The following FST variants were observed in gnomAD, a reference collection of about 807,000 sequenced individuals.
The protein encoded by FST is follistatin, also known as activin-binding protein.
In FST, 6 loss-of-function variants were observed where a neutral mutation model predicts 38.4. The ratio of observed to expected loss-of-function variants is 0.16; its 90% CI spans 0.09 to 0.31. FST has a LOEUF of 0.31. Ranked by LOEUF, FST falls within the 10% of genes least tolerant of loss-of-function variation. FST has a pLI of 1.00. For missense variants in FST, 301 were observed against 432.3 expected (o/e 0.70, Z 2.69); for synonymous variants, 157 against 169.8 (o/e 0.92, Z 0.59).
rs1747558222 is a variant in FST, at chr5:53,486,564, C to T, written c.*531C>T. ...TTCTGTCATGTTTATTTATTGGATT[C>T]TCTGCTGCCTGATCTGTACATACAT... On this transcript the variant is annotated 3_prime_UTR_variant, in exon 6 of 6. Transcript: ENST00000256759. 6.5e-6 allele frequency: 1 copy of T among 153,048 alleles called. No individual in the cohort carries two copies. Among genetic ancestry groups the T allele is most frequent in the South Asian group, 2.1e-4 (1 of 4,844 alleles). The allele number at this position is 153,048 out of a possible 1,614,324, so 9.5% of individuals were successfully genotyped here. A position where few individuals can be genotyped will look rare whatever the true frequency, so the allele number is the denominator to read the frequency against.
In FST at chr5:53,481,462, C is replaced by CAAAAAAAAAAAAA. The variant is rs70983342; in HGVS notation, c.85+598_85+610dup. On this transcript the variant is annotated intron_variant, in intron 1 of 5. Coordinates refer to ENST00000256759, the MANE Select transcript of FST (RefSeq NM_013409.3). ...CTTCCAACCCCATCCCCCATTCTCG[C>CAAAAAAAAAAAAA]AAAAAAAAAAAAAAAAAAAAAAAAG... 1.5e-3 allele frequency among the ~76,000 whole-genome samples: 71 copies of CAAAAAAAAAAAAA among 48,062 alleles called. 10 individuals carry two copies. The highest frequency in any genetic ancestry group is 0.019 in the Middle Eastern group (1 of 52). 31.5% of individuals were successfully genotyped at this position (48,062 alleles called of 152,430 possible).
chr5:53,485,796 T>C, intron 5 of FST, 155 bp from the exon 6 acceptor site: 7 of 1,594,594 alleles, frequency 4.4e-6, no homozygotes, highest in Non-Finnish European at 6.0e-6. Context: ...TAACAGCAGA[T>C]GCCAAAAACA....
At chr5:53,481,462 CAAA>C (rs70983342) in intron 1 of FST, among the ~76,000 whole-genome samples, 736 of 48,034 alleles carry the variant, frequency 0.015, 13 homozygotes, top group South Asian at 0.023. Flanking sequence ...CCCATTCTCG[CAAA>C]AAAAAAAAAA....
chr5:53,483,588 A>G lies in FST; in HGVS notation c.362A>G (p.Asp121Gly), dbSNP rs771709570. The G allele has an allele frequency of 3.1e-6, 5 of 1,614,104 alleles. No individual in the cohort carries two copies. The African/African-American group carries it at 6.7e-5, about 22-fold the overall frequency. The change falls in exon 3 of 6, where the codon GAT (aspartate) becomes GGT (glycine). Residue 121 changes from aspartate (D) to glycine (G), a missense_variant. Asp to Gly is a moderately conservative substitution (Grantham distance 94). Transcript: ENST00000256759. The surrounding 1 kb of genome is among the most constrained non-coding windows in gnomAD (Gnocchi z 4.1). ...AAACCCCGCTGCGTCTGCGCCCCGG[A>G]TTGTTCCAACATCACCTGGAAGGGT... ...KNKPRCVCAPDCSNITWKGPV... is the reference protein window; with the variant it reads ...KNKPRCVCAPGCSNITWKGPV...
Position 53,483,430 on chromosome 5 carries a change from C to G in FST, c.278-74C>G, listed in dbSNP as rs965801200. On this transcript the variant is annotated intron_variant, in intron 2 of 5. Transcript: ENST00000256759. The surrounding 1 kb of genome is among the most constrained non-coding windows in gnomAD (Gnocchi z 4.1). The stretch of plus-strand genomic sequence containing the variant: ...CTCAGGGCTGCATGATTGCGCAAGG[C>G]ACCCGAAGCCCTCCTGGCTGACCTG... The G allele has an allele frequency of 4.3e-6, 5 of 1,173,524 alleles. No homozygotes were observed. The South Asian group carries it at 6.7e-5, about 16-fold the overall frequency. The allele number at this position is 1,173,524 out of a possible 1,614,324, so 72.7% of individuals were successfully genotyped here.
intron 5 of FST, 166 bp from the exon 6 acceptor site, chr5:53,485,785 A>G: frequency 1.3e-6 from 2 of 1,595,936 alleles, no homozygotes; most frequent in Non-Finnish European, 1.7e-6. Flanking sequence ...AACTTATTGC[A>G]TAACAGCAGA....
chr5:53,480,918 A>AG (rs746819001), intron 1 of FST, 42 bp downstream of exon 1: 12 of 1,162,540 alleles, frequency 1.0e-5, no homozygotes, highest in South Asian at 1.4e-5. Flanking sequence ...GGCTGAGGAC[A>AG]GGGGGGTCGA....
chr5:53,484,763 T>C (rs897232264), intron 4 of FST, among the ~76,000 whole-genome samples: 6 of 152,216 alleles, frequency 3.9e-5, no homozygotes, highest in South Asian at 2.1e-4. Flanking sequence ...TAATGTAGTA[T>C]GTAAGAAACT....
At position 53,480,653 on chromosome 5, in the gene FST, G is replaced by GGCGGCGAGCGCGGGGCT. The variant is rs1747136774; in HGVS notation, c.-135_-119dup. 2 of 151,804 alleles carry GGCGGCGAGCGCGGGGCT rather than the reference G, an allele frequency of 1.3e-5. No individual in the cohort carries two copies. Among genetic ancestry groups the GGCGGCGAGCGCGGGGCT allele is most frequent in the Non-Finnish European group, 2.9e-5 (2 of 69,486 alleles). 9.4% of individuals were successfully genotyped at this position (151,804 alleles called of 1,614,324 possible). ...CGTCCATTGAATCGCGCGGGCGGCC[G>GGCGGCGAGCGCGGGGCT]GCGGCGAGCGCGGGGCTGCGCCGGG... On this transcript the variant is annotated 5_prime_UTR_variant, in exon 1 of 6. Transcript: ENST00000256759.
intron 1 of FST, among the ~76,000 whole-genome samples, chr5:53,482,155 C>T (rs995196455): frequency 1.3e-5 from 2 of 152,210 alleles, no homozygotes; most frequent in Non-Finnish European, 2.9e-5. Flanking sequence ...GGGGTAGCTC[C>T]GGGCTGGGCC....
rs1747550099 is a variant in FST, at chr5:53,486,340, T to C, written c.*307T>C. The C allele has an allele frequency of 1.1e-5, 2 of 190,136 alleles. No homozygotes were observed. The highest frequency in any genetic ancestry group is 2.3e-5 in the African/African-American group (1 of 43,038). 11.8% of individuals were successfully genotyped at this position (190,136 alleles called of 1,614,324 possible). A position where few individuals can be genotyped will look rare whatever the true frequency, so the allele number is the denominator to read the frequency against. On this transcript the variant is annotated 3_prime_UTR_variant, in exon 6 of 6. Coordinates refer to ENST00000256759, the MANE Select transcript of FST (RefSeq NM_013409.3). ...TTTATACATAAAATGTCTGGTTGAC[T>C]GTATACCTTGTTTTTGAAGAAATTT...
chr5:53,483,790 C>G lies in FST; in HGVS notation c.496+68C>G. On this transcript the variant is annotated intron_variant, in intron 3 of 5. Coordinates refer to ENST00000256759, the MANE Select transcript of FST (RefSeq NM_013409.3). The surrounding 1 kb of genome is among the most constrained non-coding windows in gnomAD (Gnocchi z 4.1). ...TCCAGCTTTGTACCTAAAGTAGACC[C>G]TCTAGAAGACCCTTGGGGGATGGTG... 1 of 1,156,084 alleles carries G rather than the reference C, an allele frequency of 8.6e-7. No individual in the cohort carries two copies. The highest frequency in any genetic ancestry group is 1.3e-6 in the Non-Finnish European group (1 of 779,830). 71.6% of individuals were successfully genotyped at this position (1,156,084 alleles called of 1,614,324 possible).
At chr5:53,482,041 A>G (rs1440681143) in intron 1 of FST, among the ~76,000 whole-genome samples, 4 of 152,212 alleles carry the variant, frequency 2.6e-5, no homozygotes, top group Non-Finnish European at 4.4e-5. Context: ...CGCGGAGGAA[A>G]GCAGCCCTCG....
chr5:53,487,113 TA>T lies in FST; in HGVS notation c.*1087del, dbSNP rs1308458979. On this transcript the variant is annotated 3_prime_UTR_variant, in exon 6 of 6. Transcript: ENST00000256759. ...TGTAAATAAATGATGAGTGAAAAAA[TA>T]AAAAAATTTTAAAAAGCCAATGGTT... The T allele has an allele frequency of 6.6e-6, 1 of 152,046 alleles. No individual in the cohort carries two copies. The highest frequency in any genetic ancestry group is 1.5e-5 in the Non-Finnish European group (1 of 67,988). The allele number at this position is 152,046 out of a possible 1,614,324, so 9.4% of individuals were successfully genotyped here.
In FST at chr5:53,484,978, C is replaced by G. The variant is rs577088552; in HGVS notation, c.722-19C>G. On this transcript the variant is annotated intron_variant, in intron 4 of 5. Transcript: ENST00000256759. ...TATGGGGAAATCAGTTTACTCATCA[C>G]AGATGTATTATATCCTAGAAGCAAA... 4 of 1,223,136 alleles carry G rather than the reference C, an allele frequency of 3.3e-6. No individual in the cohort carries two copies. The highest frequency in any genetic ancestry group is 3.4e-5 in the Admixed American group (2 of 59,522). The allele number at this position is 1,223,136 out of a possible 1,614,324, so 75.8% of individuals were successfully genotyped here.
chr5:53,482,287 T>C (rs1747274709), intron 1 of FST, among the ~76,000 whole-genome samples: 1 of 151,922 alleles, frequency 6.6e-6, no homozygotes, highest in Admixed American at 6.6e-5. Context: ...TTCTTTCTCT[T>C]TCTTTTCTTT....
rs1352112988 is a variant in FST at position 53,483,254 on chromosome 5, C to T, written c.277+183C>T. ...CCTGTTACAGGCTGTAGGGAATACA[C>T]GCCAGACTTCTTAGCCAAGTGTGGT... On this transcript the variant is annotated intron_variant, in intron 2 of 5. Transcript: ENST00000256759. This position sits in a 1 kb window ranked among gnomAD's most constrained non-coding sequence, Gnocchi z 4.1. Among the ~76,000 whole-genome samples the T allele has an allele frequency of 1.3e-5, 2 of 152,210 alleles. No individual in the cohort carries two copies. The highest frequency in any genetic ancestry group is 6.5e-5 in the Admixed American group (1 of 15,288).
intron 1 of FST, among the ~76,000 whole-genome samples, chr5:53,481,486 A>AAAAAAAAAAAAC (rs1747210196): frequency 6.9e-6 from 1 of 144,828 alleles, no homozygotes; most frequent in Non-Finnish European, 1.5e-5. Context: ...AAAAAAAAAA[A>AAAAAAAAAAAAC]GCCAAATTAT....
At chr5:53,485,548 T>TG in intron 5 of FST, 2 of 54,564 alleles carry the variant, frequency 3.7e-5, no homozygotes, top group Non-Finnish European at 6.0e-5. Context: ...CTTCAAAAGT[T>TG]TTTTTTTTTT....
Sources: allele counts gnomAD v4.1 joint callset (sites outside exome capture counted in the v4.1 genomes callset), GRCh38; gene constraint gnomAD v4.1.1; non-coding constraint Gnocchi (gnomAD v3.1); transcripts MANE v1.5; gene names NCBI Gene and HGNC (gene_info 2026-07-23, HGNC 2026-07-21).